The following MTR variants were observed in gnomAD, a reference collection of about 807,000 sequenced individuals.
MTR encodes the protein methionine synthase.
Under a neutral mutation model 154.8 loss-of-function variants are expected in MTR, and 84 were observed. The ratio of observed to expected loss-of-function variants is 0.54; its 90% CI spans 0.45 to 0.65. The LOEUF (loss-of-function observed/expected upper bound fraction) is 0.65. Among genes scored for constraint, MTR ranks in the 30% least tolerant of loss-of-function variants. The probability of loss-of-function intolerance (pLI) is 0.00; values close to 1 mark genes in which losing one functional copy is unlikely to be tolerated. For synonymous variants in MTR, 554 were observed against 553.9 expected, an observed-to-expected ratio of 1.00 and a Z score of 0.00; for missense variants, 1,275 against 1,570.2, an observed-to-expected ratio of 0.81 and a Z score of 3.18.
At chr1:236,795,802 T>A in intron 1 of MTR, 65 bp downstream of exon 1, 1 of 1,610,918 alleles carries the variant, frequency 6.2e-7, no homozygotes, top group Non-Finnish European at 8.5e-7. Flanking sequence ...GGCCTCCTAA[T>A]CCCTGGGGCG....
Position 236,901,561 on chromosome 1 carries a change from A to C in MTR, c.*3917A>C, listed in dbSNP as rs1666918249. 1 of 152,206 alleles carries C rather than the reference A, an allele frequency of 6.6e-6. No homozygotes were observed. The highest frequency in any genetic ancestry group is 2.4e-5 in the African/African-American group (1 of 41,436). 9.4% of individuals were successfully genotyped at this position (152,206 alleles called of 1,614,324 possible). A position where few individuals can be genotyped will look rare whatever the true frequency, so the allele number is the denominator to read the frequency against. ...GTCTTAGCTCCTGCTCCTGTAACAA[A>C]ATACCACAAACTGGTTAGCTTATAG... On this transcript the variant is annotated 3_prime_UTR_variant, in exon 33 of 33. Transcript: ENST00000366577.
At chr1:236,882,488 T>C (rs1665797559) in intron 25 of MTR, among the ~76,000 whole-genome samples, 1 of 142,224 alleles carries the variant, frequency 7.0e-6, no homozygotes, top group African/African-American at 2.5e-5. Context: ...CCTCCCAGAT[T>C]CAAGCAATTC....
At chr1:236,866,562 T>C (rs559467707) in intron 22 of MTR, among the ~76,000 whole-genome samples, 67 of 152,244 alleles carry the variant, frequency 4.4e-4, no homozygotes, top group African/African-American at 1.4e-3. Context: ...CGACATTAAG[T>C]CAAAAGTTAG....
At chr1:236,837,333 C>G (rs556956515) in intron 14 of MTR, among the ~76,000 whole-genome samples, 1 of 152,240 alleles carries the variant, frequency 6.6e-6, no homozygotes, top group South Asian at 2.1e-4. Context: ...TTCTTCAGTC[C>G]TCAGTTGAAA....
chr1:236,797,972 A>G (rs1660494808), intron 1 of MTR, among the ~76,000 whole-genome samples: 3 of 149,534 alleles, frequency 2.0e-5, no homozygotes, highest in Admixed American at 1.3e-4. Flanking sequence ...AAAAAACAAA[A>G]CAAAACAAAA....
Position 236,806,224 on chromosome 1 carries a change from T to C in MTR, c.330T>C (p.Leu110=). 6.2e-7 allele frequency: 1 copy of C among 1,613,528 alleles called. No individual in the cohort carries two copies. Among genetic ancestry groups the C allele is most frequent in the Non-Finnish European group, 8.5e-7 (1 of 1,179,420 alleles). The change falls in exon 3 of 33, where the codon CTT becomes CTC. Residue 110 remains leucine, a synonymous_variant. Coordinates refer to ENST00000366577, the MANE Select transcript of MTR (RefSeq NM_000254.3). ...STSIAQADYG[L]EHLAYRMNMC... ...GTATTGCCCAAGCTGACTATGGCCT[T>C]GAACACTTGGTAAGAATTCCATTGT...
chr1:236,896,013 T>C (rs1438135199), intron 31 of MTR, among the ~76,000 whole-genome samples: 2 of 152,252 alleles, frequency 1.3e-5, no homozygotes, highest in East Asian at 3.9e-4. Context: ...TCTTTACTTT[T>C]ACACTGTTAG....
At chr1:236,861,590 G>A (rs1407048776) in intron 20 of MTR, among the ~76,000 whole-genome samples, 5 of 152,176 alleles carry the variant, frequency 3.3e-5, no homozygotes, top group Non-Finnish European at 7.3e-5. Flanking sequence ...CAAGATAAAT[G>A]TAGAGTTACT....
chr1:236,855,887 A>G (rs1413422351), intron 18 of MTR, among the ~76,000 whole-genome samples: 2 of 152,188 alleles, frequency 1.3e-5, no homozygotes, highest in Non-Finnish European at 2.9e-5. Flanking sequence ...AGAACTCCCT[A>G]TTGAATAACT....
intron 1 of MTR, among the ~76,000 whole-genome samples, chr1:236,798,466 A>G (rs923987577): frequency 1.3e-5 from 2 of 152,180 alleles, no homozygotes; most frequent in Non-Finnish European, 2.9e-5. Context: ...ATTGTTAGCT[A>G]GAAAATAAGA....
chr1:236,892,711 T>C (rs1666399114), intron 29 of MTR, among the ~76,000 whole-genome samples: 1 of 152,156 alleles, frequency 6.6e-6, no homozygotes, highest in African/African-American at 2.4e-5. Flanking sequence ...TATAAGGCAC[T>C]GGGGTTCTAA....
chr1:236,872,397 G>A (rs2103362055), intron 22 of MTR, among the ~76,000 whole-genome samples: 1 of 152,100 alleles, frequency 6.6e-6, no homozygotes, highest in Admixed American at 6.5e-5. Context: ...TCTTTTTCTT[G>A]CGTTAAGTAA....
At chr1:236,811,617 T>G (rs900583973) in intron 5 of MTR, 1 of 456,160 alleles carries the variant, frequency 2.2e-6, no homozygotes, top group Non-Finnish European at 4.4e-6. Flanking sequence ...ACCAGGCTTA[T>G]GTGTTGTTGA....
intron 24 of MTR, among the ~76,000 whole-genome samples, chr1:236,879,302 G>C (rs930031696): frequency 6.6e-6 from 1 of 152,210 alleles, no homozygotes; most frequent in African/African-American, 2.4e-5. Context: ...TAGAAACTTA[G>C]ATACAGGATT....
intron 22 of MTR, among the ~76,000 whole-genome samples, chr1:236,873,134 G>A (rs1370481630): frequency 1.3e-5 from 2 of 152,194 alleles, no homozygotes; most frequent in South Asian, 2.1e-4. Context: ...CTCAAAACAT[G>A]GTTGGACTTT....
intron 18 of MTR, among the ~76,000 whole-genome samples, chr1:236,854,130 G>A (rs555970991): frequency 5.2e-4 from 79 of 152,290 alleles, no homozygotes; most frequent in Admixed American, 1.0e-3. Flanking sequence ...CCACAGAAGA[G>A]TAATAAAATG....
intron 18 of MTR, among the ~76,000 whole-genome samples, chr1:236,858,087 A>G (rs1664305743): frequency 1.3e-5 from 2 of 152,184 alleles, no homozygotes; most frequent in African/African-American, 2.4e-5. Context: ...CTTGTCGGGA[A>G]TGGCAGAAGA....
At position 236,806,198 on chromosome 1, in the gene MTR, A is replaced by G; in HGVS notation, c.304A>G (p.Ser102Gly). ...IIETNTFSST[S>G]IAQADYGLEH... The stretch of plus-strand genomic sequence containing the variant: ...TGAAACAAATACTTTTAGCAGCACT[A>G]GTATTGCCCAAGCTGACTATGGCCT... The change falls in exon 3 of 33, where the codon AGT becomes GGT. Residue 102 changes from serine to glycine, a missense_variant. Coordinates refer to ENST00000366577, the MANE Select transcript of MTR (RefSeq NM_000254.3). 1 of 1,614,146 alleles carries G rather than the reference A, an allele frequency of 6.2e-7. No homozygotes were observed.
Position 236,829,251 on chromosome 1 carries a change from G to C in MTR, c.1058G>C (p.Gly353Ala), listed in dbSNP as rs144839980. The change falls in exon 12 of 33, where the codon GGA (glycine) becomes GCA (alanine). Residue 353 changes from glycine to alanine, a missense_variant. Physicochemically the swap from Gly to Ala is moderately conservative, Grantham distance 60 (BLOSUM62 0). Coordinates refer to ENST00000366577, the MANE Select transcript of MTR (RefSeq NM_000254.3). ...PRVPPATAFE[G>A]HMLLSGLEPF... is the part of the protein sequence containing the mutation. ...GTTCCACCTGCCACTGCTTTTGAAG[G>C]ACATATGTTACTGTCTGGTGAGTCA... 26 of 1,613,918 alleles carry C rather than the reference G, an allele frequency of 1.6e-5. No individual in the cohort carries two copies. The African/African-American group carries it at 2.7e-4, about 17-fold the overall frequency.
Sources: gnomAD v4.1 joint callset for allele counts (sites outside exome capture counted in the v4.1 genomes callset) on GRCh38, gnomAD v4.1.1 for gene constraint, MANE v1.5 for transcripts, NCBI Gene and HGNC (gene_info 2026-07-23, HGNC 2026-07-21) for gene names.